EEIG1: variants seen among roughly 807,000 people sequenced by gnomAD.
EEIG1 encodes the protein early estrogen-induced gene 1 protein.
At chr9:127,943,995 A>AGCTCATTCGCTCACTC in the EEIG1 span, 1 of 153,738 alleles carries the variant, frequency 6.5e-6, no homozygotes, top group African/African-American at 2.4e-5. Flanking sequence ...GCCTGTGGGA[A>AGCTCATTCGCTCACTC]GCTCATTCGC....
At chr9:127,964,084 C>T in the EEIG1 span, among the ~76,000 whole-genome samples, 1 of 152,146 alleles carries the variant, frequency 6.6e-6, no homozygotes, top group African/African-American at 2.4e-5. Flanking sequence ...CAGGAAGAGC[C>T]TCCCTGGAAA....
At chr9:127,960,027 CAAT>C in the EEIG1 span, among the ~76,000 whole-genome samples, 8 of 152,234 alleles carry the variant, frequency 5.3e-5, no homozygotes, top group South Asian at 1.5e-3. Context: ...AATTATATCT[CAAT>C]AAAGCTGTTA....
At chr9:127,971,950 G>C in the EEIG1 span, among the ~76,000 whole-genome samples, 1 of 152,178 alleles carries the variant, frequency 6.6e-6, no homozygotes, top group Non-Finnish European at 1.5e-5. Context: ...AGTGGAAGCC[G>C]ACGAGGCCAG....
chr9:127,969,416 G>A, the EEIG1 span, among the ~76,000 whole-genome samples: 1 of 152,146 alleles, frequency 6.6e-6, no homozygotes, highest in Non-Finnish European at 1.5e-5. Flanking sequence ...TCACCCCTAG[G>A]GCCCTTACAA....
the EEIG1 span, chr9:127,944,513 G>A: frequency 1.2e-4 from 95 of 819,460 alleles, 1 homozygote; most frequent in South Asian, 1.2e-3. Context: ...ACACTGTGGC[G>A]ACAAGATTTG....
the EEIG1 span, among the ~76,000 whole-genome samples, chr9:127,970,207 G>C: frequency 7.2e-5 from 11 of 152,022 alleles, no homozygotes; most frequent in Non-Finnish European, 1.5e-4. Context: ...TCTGCCTCCC[G>C]AGTTCAAGTG....
the EEIG1 span, among the ~76,000 whole-genome samples, chr9:127,972,933 C>A: frequency 4.4e-4 from 67 of 152,288 alleles, no homozygotes; most frequent in African/African-American, 1.5e-3. The surrounding 1 kb of genome is among the most constrained non-coding windows in gnomAD (Gnocchi z 4.3). Context: ...AGTCTGACCT[C>A]ATAGTGGGTG....
the EEIG1 span, chr9:127,972,766 T>C: frequency 6.6e-6 from 1 of 151,596 alleles, no homozygotes; most frequent in Non-Finnish European, 1.5e-5. The surrounding 1 kb of genome is among the most constrained non-coding windows in gnomAD (Gnocchi z 4.3). Flanking sequence ...AGGGTGGGGG[T>C]GCGGGCAGCT....
chr9:127,974,575 T>C, the EEIG1 span, among the ~76,000 whole-genome samples: 2 of 152,202 alleles, frequency 1.3e-5, no homozygotes, highest in African/African-American at 4.8e-5. Context: ...ACAAGGACCA[T>C]GCCCAGCCTG....
the EEIG1 span, among the ~76,000 whole-genome samples, chr9:127,975,722 C>A: frequency 1.3e-5 from 2 of 152,112 alleles, no homozygotes; most frequent in Admixed American, 1.3e-4. Flanking sequence ...TTGTACTCCT[C>A]TCCCCTGGCA....
chr9:127,971,402 G>T, the EEIG1 span, among the ~76,000 whole-genome samples: 1 of 152,054 alleles, frequency 6.6e-6, no homozygotes, highest in Non-Finnish European at 1.5e-5. Flanking sequence ...ATGCAGAGGA[G>T]CCCACCCCAC....
chr9:127,947,099 T>C, the EEIG1 span, among the ~76,000 whole-genome samples: 1 of 151,714 alleles, frequency 6.6e-6, no homozygotes, highest in Non-Finnish European at 1.5e-5. Flanking sequence ...TTAGTACCAG[T>C]GATAATTTAA....
the EEIG1 span, among the ~76,000 whole-genome samples, chr9:127,962,987 C>G: frequency 6.6e-6 from 1 of 152,194 alleles, no homozygotes. Context: ...AAGCAAGGTC[C>G]GGAGAAGGAG....
At chr9:127,979,705 T>G in the EEIG1 span, among the ~76,000 whole-genome samples, 1 of 152,086 alleles carries the variant, frequency 6.6e-6, no homozygotes, top group Non-Finnish European at 1.5e-5. Context: ...AGGGTACAAA[T>G]CCCTGATAGG....
At chr9:127,948,455 C>A in the EEIG1 span, 1 of 1,602,598 alleles carries the variant, frequency 6.2e-7, no homozygotes. Context: ...TGACCACCCA[C>A]AGCCTGCCCA....
the EEIG1 span, chr9:127,950,388 G>C: frequency 1.1e-5 from 18 of 1,606,208 alleles, 1 homozygote; most frequent in Non-Finnish European, 1.5e-5. Context: ...CCCATCCCGT[G>C]GTCAGGGTGG....
At chr9:127,960,899 T>C in the EEIG1 span, among the ~76,000 whole-genome samples, 1 of 151,770 alleles carries the variant, frequency 6.6e-6, no homozygotes, top group South Asian at 2.1e-4. Context: ...CTCTGAACAA[T>C]CACCTATTGG....
chr9:127,953,247 T>G, the EEIG1 span: 1 of 359,612 alleles, frequency 2.8e-6, no homozygotes. Context: ...TTGTATGGTA[T>G]ATTTCCTTTT....
At chr9:127,958,329 T>C in the EEIG1 span, among the ~76,000 whole-genome samples, 1 of 152,168 alleles carries the variant, frequency 6.6e-6, no homozygotes, top group Non-Finnish European at 1.5e-5. Context: ...CAGAAGTACA[T>C]GTGATAAAAG....
Sources: allele counts gnomAD v4.1 joint callset (sites outside exome capture counted in the v4.1 genomes callset), GRCh38; gene constraint gnomAD v4.1.1; non-coding constraint Gnocchi (gnomAD v3.1); transcripts MANE v1.5; gene names NCBI Gene and HGNC (gene_info 2026-07-23, HGNC 2026-07-21).